Variants in STK32B observed in about 807,000 individuals in gnomAD.
STK32B encodes serine/threonine-protein kinase 32B.
Under a neutral mutation model 52.6 loss-of-function variants are expected in STK32B, and 43 were observed. That is an observed-to-expected ratio of 0.82 (90% CI 0.64 to 1.05). The LOEUF (loss-of-function observed/expected upper bound fraction) is 1.05. Ranked by LOEUF, STK32B falls within the 50% of genes least tolerant of loss-of-function variation. The pLI is 0.00. For missense variants in STK32B, 621 were observed against 534.6 expected, an observed-to-expected ratio of 1.16 and a Z score of -1.59; for synonymous variants, 238 against 204.3, an observed-to-expected ratio of 1.17 and a Z score of -1.41.
At chr4:5,143,924 G>A (rs935799413) in intron 2 of STK32B, among the ~76,000 whole-genome samples, 1 of 152,154 alleles carries the variant, frequency 6.6e-6, no homozygotes, top group Non-Finnish European at 1.5e-5. Context: ...AGGATGTTGT[G>A]ATGTCAATGA....
chr4:5,363,063 T>C (rs1009127308), intron 4 of STK32B, among the ~76,000 whole-genome samples: 2 of 152,148 alleles, frequency 1.3e-5, no homozygotes, highest in African/African-American at 4.8e-5. Flanking sequence ...ACAACCACAT[T>C]CCTGCCATCT....
At chr4:5,270,162 A>G (rs536965718) in intron 3 of STK32B, among the ~76,000 whole-genome samples, 1 of 152,282 alleles carries the variant, frequency 6.6e-6, no homozygotes, top group South Asian at 2.1e-4. Flanking sequence ...CAGAATGAAT[A>G]GGATAGATGT....
chr4:5,066,118 A>G (rs1560134071), intron 1 of STK32B, among the ~76,000 whole-genome samples: 1 of 152,158 alleles, frequency 6.6e-6, no homozygotes, highest in Non-Finnish European at 1.5e-5. Context: ...TCTCAAAAGA[A>G]TTATTATCTC....
At chr4:5,446,577 A>G (rs1259088328) in intron 6 of STK32B, 96 bp from the exon 7 acceptor site, 2 of 1,136,626 alleles carry the variant, frequency 1.8e-6, no homozygotes, top group Admixed American at 4.9e-5. Context: ...AAAAAAAAAA[A>G]AAACAAGCTC....
At chr4:5,146,281 A>G (rs1182728674) in intron 2 of STK32B, among the ~76,000 whole-genome samples, 1 of 152,158 alleles carries the variant, frequency 6.6e-6, no homozygotes, top group Non-Finnish European at 1.5e-5. Context: ...TTCGAGTCCC[A>G]AAACCTCAAA....
At chr4:5,186,113 T>A (rs1269132704) in intron 3 of STK32B, among the ~76,000 whole-genome samples, 1 of 152,170 alleles carries the variant, frequency 6.6e-6, no homozygotes, top group Non-Finnish European at 1.5e-5. Context: ...ACTGTTCCAA[T>A]TTCTAAGGGT....
At chr4:5,494,581 G>A (rs371998471) in intron 11 of STK32B, among the ~76,000 whole-genome samples, 2 of 152,188 alleles carry the variant, frequency 1.3e-5, no homozygotes, top group Admixed American at 6.6e-5. Flanking sequence ...TTACATTTAA[G>A]GTTAATATTG....
chr4:5,164,369 C>T (rs1718699956), intron 2 of STK32B, among the ~76,000 whole-genome samples: 1 of 152,162 alleles, frequency 6.6e-6, no homozygotes, highest in African/African-American at 2.4e-5. Context: ...TCCTCCCCTT[C>T]TCTTCTCTTC....
chr4:5,395,702 A>G lies in STK32B; in HGVS notation c.435-2505A>G, dbSNP rs1019030202. Among the ~76,000 whole-genome samples the G allele has an allele frequency of 1.3e-5, 2 of 152,256 alleles. No homozygotes were observed. The highest frequency in any genetic ancestry group is 4.8e-5 in the African/African-American group (2 of 41,472). Reference sequence around the variant, plus strand: ...AGATTCCACTCTGTGCTAAGAGCCAACACAGAAGCAATGTGTGTTATGTAT... The same window carrying G: ...AGATTCCACTCTGTGCTAAGAGCCAGCACAGAAGCAATGTGTGTTATGTAT... On this transcript the variant is annotated intron_variant, in intron 4 of 11. Coordinates refer to ENST00000282908, the MANE Select transcript of STK32B (RefSeq NM_018401.3). The surrounding 1 kb of genome is among the most constrained non-coding windows in gnomAD (Gnocchi z 4.4).
intron 3 of STK32B, among the ~76,000 whole-genome samples, chr4:5,282,388 G>A (rs1025692200): frequency 6.6e-6 from 1 of 152,114 alleles, no homozygotes; most frequent in Non-Finnish European, 1.5e-5. Flanking sequence ...GATACAGAGG[G>A]CCTACTGTAT....
At chr4:5,024,424 G>A in the STK32B span, among the ~76,000 whole-genome samples, 1 of 152,180 alleles carries the variant, frequency 6.6e-6, no homozygotes, top group Non-Finnish European at 1.5e-5. Flanking sequence ...CTTGGCCAAT[G>A]TCCACAATCA....
chr4:5,190,809 G>C (rs774537888), intron 3 of STK32B, among the ~76,000 whole-genome samples: 2 of 152,070 alleles, frequency 1.3e-5, no homozygotes, highest in Non-Finnish European at 2.9e-5. Flanking sequence ...TGTGACATTG[G>C]ACACTCGGAG....
chr4:5,166,750 T>G (rs1165607505), intron 2 of STK32B, among the ~76,000 whole-genome samples: 1 of 151,934 alleles, frequency 6.6e-6, no homozygotes, highest in Non-Finnish European at 1.5e-5. Flanking sequence ...TAAATTTCTG[T>G]TGTTTAAATC....
At chr4:5,102,904 TC>T (rs767547505) in intron 1 of STK32B, among the ~76,000 whole-genome samples, 10,445 of 77,364 alleles carry the variant, frequency 0.14, 834 homozygotes, top group Middle Eastern at 0.16. Flanking sequence ...CCTTCCTTCC[TC>T]CCTCCCCTCC....
intron 6 of STK32B, among the ~76,000 whole-genome samples, chr4:5,426,699 A>AAC (rs757869773): frequency 3.4e-5 from 5 of 146,508 alleles, no homozygotes; most frequent in Non-Finnish European, 5.9e-5. Context: ...AAACAAAAAA[A>AAC]AAAAAAAAAA....
chr4:5,251,943 AGAACAATGTCCAT>A (rs1215706582), intron 3 of STK32B, among the ~76,000 whole-genome samples: 1 of 152,194 alleles, frequency 6.6e-6, no homozygotes, highest in Non-Finnish European at 1.5e-5. Flanking sequence ...ATGCAGGGGT[AGAACAATGTCCAT>A]GAAAGCAACT....
rs1484499040 is a variant in STK32B, at chr4:5,239,455, G to T, written c.260+71005G>T. On this transcript the variant is annotated intron_variant, in intron 3 of 11. Coordinates refer to ENST00000282908, the MANE Select transcript of STK32B (RefSeq NM_018401.3). ...GTGGCCTGAAGGTGAGGGGACAGTT[G>T]CAGGGACCAAGATTCAGCCTCTTGG... 2.0e-5 allele frequency among the ~76,000 whole-genome samples: 3 copies of T among 152,114 alleles called. No homozygotes were observed. In the East Asian group the frequency reaches 5.8e-4, roughly 29 times the overall value.
chr4:5,092,273 T>G (rs1405276290), intron 1 of STK32B, among the ~76,000 whole-genome samples: 1 of 152,234 alleles, frequency 6.6e-6, no homozygotes, highest in African/African-American at 2.4e-5. Context: ...GGCTCGCGCC[T>G]GTAATCCCAG....
intron 6 of STK32B, among the ~76,000 whole-genome samples, chr4:5,443,974 G>A (rs904925038): frequency 6.6e-6 from 1 of 152,204 alleles, no homozygotes; most frequent in Non-Finnish European, 1.5e-5. Context: ...ATCTCCAGCT[G>A]CGTGCTGGGA....
Sources: allele counts gnomAD v4.1 joint callset (sites outside exome capture counted in the v4.1 genomes callset), GRCh38; gene constraint gnomAD v4.1.1; non-coding constraint Gnocchi (gnomAD v3.1); transcripts MANE v1.5; gene names NCBI Gene and HGNC (gene_info 2026-07-23, HGNC 2026-07-21).